The following TRIM51G variants were observed in gnomAD, a reference collection of about 807,000 sequenced individuals.
TRIM51G encodes the protein tripartite motif-containing 51G.
the TRIM51G span, chr11:48,978,932 T>C: frequency 9.4e-6 from 15 of 1,588,564 alleles, no homozygotes; most frequent in Non-Finnish European, 2.6e-6. Context: ...ACATTCCTCT[T>C]AAAAGCTCCC....
chr11:48,979,201 C>T, the TRIM51G span: 33 of 611,946 alleles, frequency 5.4e-5, no homozygotes, highest in Non-Finnish European at 3.4e-5. Flanking sequence ...TTTTAATCCT[C>T]GATCTTGTCA....
At chr11:48,977,022 A>AC in the TRIM51G span, 1 of 673,874 alleles carries the variant, frequency 1.5e-6, no homozygotes, top group Non-Finnish European at 2.8e-6. Flanking sequence ...GTAAAATATT[A>AC]CCCCCATGAT....
At chr11:48,980,771 G>GT in the TRIM51G span, 3 of 371,820 alleles carry the variant, frequency 8.1e-6, no homozygotes, top group Non-Finnish European at 1.6e-5. Flanking sequence ...AAATTAGGGT[G>GT]TTTTTTTCTC....
chr11:48,981,172 A>T, the TRIM51G span: 1 of 1,493,458 alleles, frequency 6.7e-7, no homozygotes. Context: ...GGAAGCTCAT[A>T]ACAGACATGT....
At chr11:48,978,903 A>T in the TRIM51G span, 2 of 1,562,152 alleles carry the variant, frequency 1.3e-6, no homozygotes, top group South Asian at 2.2e-5. Context: ...TTTATGGCAC[A>T]TTTGCCTCAG....
the TRIM51G span, chr11:48,981,387 G>C: frequency 1.2e-6 from 2 of 1,607,696 alleles, no homozygotes; most frequent in Non-Finnish European, 1.7e-6. Context: ...CCACTTCACA[G>C]AACATCTCCT....
the TRIM51G span, among the ~76,000 whole-genome samples, chr11:48,980,491 G>T: frequency 6.6e-6 from 1 of 152,078 alleles, no homozygotes; most frequent in Non-Finnish European, 1.5e-5. Context: ...TGCCTGAAAT[G>T]TAGCTCACAT....
the TRIM51G span, among the ~76,000 whole-genome samples, chr11:48,983,863 C>A: frequency 6.6e-6 from 1 of 152,026 alleles, no homozygotes; most frequent in South Asian, 2.1e-4. Context: ...ATGCAGTTAA[C>A]TCTAAGTGCT....
chr11:48,982,947 G>GTGTA, the TRIM51G span, among the ~76,000 whole-genome samples: 566 of 85,988 alleles, frequency 6.6e-3, 17 homozygotes, highest in South Asian at 0.012. Context: ...AGTATTTTTG[G>GTGTA]TATATATACA....
chr11:48,977,537 C>T, the TRIM51G span, among the ~76,000 whole-genome samples: 1 of 152,092 alleles, frequency 6.6e-6, no homozygotes. Flanking sequence ...TTTAAGACTG[C>T]TGCATCTGTT....
chr11:48,975,656 A>G, the TRIM51G span: 2 of 1,431,924 alleles, frequency 1.4e-6, no homozygotes, highest in Non-Finnish European at 2.0e-6. Context: ...CTTGGAACAT[A>G]TTGCATTACA....
the TRIM51G span, chr11:48,975,513 G>A: frequency 2.2e-6 from 3 of 1,391,980 alleles, no homozygotes; most frequent in Admixed American, 1.7e-5. Context: ...AGTGACTACA[G>A]CAAATGATAG....
At chr11:48,975,840 G>C in the TRIM51G span, 6 of 1,269,092 alleles carry the variant, frequency 4.7e-6, no homozygotes, top group Non-Finnish European at 6.8e-6. Flanking sequence ...AATAAAATTT[G>C]CCAGATATGA....
the TRIM51G span, among the ~76,000 whole-genome samples, chr11:48,980,663 T>C: frequency 6.6e-6 from 1 of 152,128 alleles, no homozygotes; most frequent in Non-Finnish European, 1.5e-5. Flanking sequence ...TTTGTTGGAG[T>C]ATTGCTATAG....
chr11:48,977,878 T>C, the TRIM51G span, among the ~76,000 whole-genome samples: 3 of 146,140 alleles, frequency 2.1e-5, no homozygotes, highest in Non-Finnish European at 4.5e-5. Flanking sequence ...TTCATTTATT[T>C]ATTTTTTGTT....
the TRIM51G span, chr11:48,980,826 T>C: frequency 2.3e-6 from 1 of 427,818 alleles, no homozygotes; most frequent in Non-Finnish European, 4.8e-6. Flanking sequence ...CATTATGGGT[T>C]GAGATCAAGT....
At chr11:48,978,205 C>G in the TRIM51G span, 1 of 531,042 alleles carries the variant, frequency 1.9e-6, no homozygotes, top group Non-Finnish European at 3.9e-6. Context: ...CAAGATGCAT[C>G]TTCAACTAAG....
At chr11:48,977,503 A>G in the TRIM51G span, among the ~76,000 whole-genome samples, 4 of 152,124 alleles carry the variant, frequency 2.6e-5, no homozygotes, top group Non-Finnish European at 5.9e-5. Context: ...TCCTGAAATT[A>G]CTGTCTGGAA....
At chr11:48,977,149 A>T in the TRIM51G span, 1 of 1,313,546 alleles carries the variant, frequency 7.6e-7, no homozygotes, top group South Asian at 1.2e-5. Context: ...CTGGATTCAC[A>T]GGCTCAGACA....
Sources: gnomAD v4.1 joint callset for allele counts (sites outside exome capture counted in the v4.1 genomes callset) on GRCh38, gnomAD v4.1.1 for gene constraint, MANE v1.5 for transcripts, NCBI Gene and HGNC (gene_info 2026-07-23, HGNC 2026-07-21) for gene names.